Variants in CES3 observed in about 807,000 individuals in gnomAD.
CES3 encodes the protein carboxylesterase 3 (brain).
A neutral mutation model predicts 57.6 loss-of-function variants in CES3; 49 were observed. The observed-to-expected ratio is 0.85, with a 90% CI of 0.68 to 1.08. CES3 has a LOEUF of 1.08. Among genes scored for constraint, CES3 ranks in the 50% least tolerant of loss-of-function variants. The pLI, the probability that CES3 is intolerant of heterozygous loss-of-function variation, is 0.00. For missense variants in CES3, 645 were observed against 742.0 expected, an observed-to-expected ratio of 0.87 and a Z score of 1.52; for synonymous variants, 266 against 281.6, an observed-to-expected ratio of 0.94 and a Z score of 0.55.
Position 66,972,685 on chromosome 16 carries a change from G to C in CES3, c.1459G>C (p.Glu487Gln). 1.2e-6 allele frequency: 2 copies of C among 1,614,198 alleles called. No homozygotes were observed. Among genetic ancestry groups the C allele is most frequent in the Non-Finnish European group, 1.7e-6 (2 of 1,180,016 alleles). The change falls in exon 12 of 13, where the codon GAG (glutamate) becomes CAG (glutamine). Residue 487 changes from glutamate to glutamine, a missense_variant. Transcript: ENST00000303334. ...CTTTCCAGCCTTTCCAGAGGCCACA[G>C]AGGAGGAGAAGCAGCTAAGCCTCAC... is the stretch of plus-strand genomic sequence containing the variant. Reference protein sequence around the residue: ...SSRLAFPEATEEEKQLSLTMM... With the variant: ...SSRLAFPEATQEEKQLSLTMM...
rs1468468148 is a variant in CES3, at chr16:66,963,904, C to T, written c.529C>T (p.Gln177Ter). The T allele has an allele frequency of 6.2e-7, 1 of 1,613,910 alleles. No homozygotes were observed. The highest frequency in any genetic ancestry group is 8.5e-7 in the Non-Finnish European group (1 of 1,179,902). Residue 177 changes from glutamine to a stop codon, truncating the protein, a stop_gained, in exon 4 of 13, where the codon CAG becomes TAG. Transcript: ENST00000303334. LOFTEE classifies it high-confidence loss of function. The surrounding 1 kb of genome is among the most constrained non-coding windows in gnomAD (Gnocchi z 4.9). Reference protein sequence around the residue: ...AYGDVVVVTVQYRLGVLGFFS... With the variant: ...AYGDVVVVTV Reference sequence around the variant, plus strand: ...TGGGGATGTGGTCGTGGTTACAGTCCAGTACCGCCTTGGGGTCCTTGGCTT... The same window carrying T: ...TGGGGATGTGGTCGTGGTTACAGTCTAGTACCGCCTTGGGGTCCTTGGCTT...
Position 66,963,453 on chromosome 16 carries a change from G to A in CES3, c.288-38G>A. 1 of 1,609,288 alleles carries A rather than the reference G, an allele frequency of 6.2e-7. No homozygotes were observed. The highest frequency in any genetic ancestry group is 8.5e-7 in the Non-Finnish European group (1 of 1,176,180). ...GAATCCTGCTGCTGGGGCTTGTGGGGCTGAACAGCTGGACCTCAGGCCCAC... is the reference window on the plus strand; with the variant it reads ...GAATCCTGCTGCTGGGGCTTGTGGGACTGAACAGCTGGACCTCAGGCCCAC... On this transcript the variant is annotated intron_variant, in intron 2 of 12. Coordinates refer to ENST00000303334, the MANE Select transcript of CES3 (RefSeq NM_024922.6). The surrounding 1 kb of genome is among the most constrained non-coding windows in gnomAD (Gnocchi z 4.9).
Position 66,963,299 on chromosome 16 carries a change from C to T in CES3, c.203C>T (p.Pro68Leu), listed in dbSNP as rs371073429. 2.4e-5 allele frequency: 39 copies of T among 1,613,762 alleles called. No homozygotes were observed. Among genetic ancestry groups the T allele is most frequent in the African/African-American group, 1.7e-4 (13 of 74,918 alleles). Residue 68 changes from proline (P) to leucine (L), a missense_variant, in exon 2 of 13, where the codon CCG (proline) becomes CTG (leucine). Pro to Leu is a moderately conservative substitution (Grantham distance 98). Transcript: ENST00000303334. This position sits in a 1 kb window ranked among gnomAD's most constrained non-coding sequence, Gnocchi z 4.9. ...TTTCTGGGCATTCCATTTGCCCAGCCGCCACTGGGCCCTGACCGGTTCTCA... is the reference window on the plus strand; with the variant it reads ...TTTCTGGGCATTCCATTTGCCCAGCTGCCACTGGGCCCTGACCGGTTCTCA... ...NVFLGIPFAQ[P>L]PLGPDRFSAP...
At chr16:66,968,091 C>T (rs1168636859) in intron 8 of CES3, among the ~76,000 whole-genome samples, 4 of 152,104 alleles carry the variant, frequency 2.6e-5, no homozygotes, top group African/African-American at 9.7e-5. Context: ...AAATCTTCCA[C>T]AAATGGAGCG....
Position 66,969,796 on chromosome 16 carries a change from G to A in CES3, c.1143+37G>A, listed in dbSNP as rs368891745. 12 of 1,570,948 alleles carry A rather than the reference G, an allele frequency of 7.6e-6. No homozygotes were observed. The African/African-American group carries it at 1.6e-4, about 21-fold the overall frequency. ...GGCAGGAGGGAGGAAGCTAGGGCAG[G>A]AGGGAGGAAGCTAGTGGGTATCCCA... On this transcript the variant is annotated intron_variant, in intron 9 of 12. Coordinates refer to ENST00000303334, the MANE Select transcript of CES3 (RefSeq NM_024922.6).
intron 8 of CES3, among the ~76,000 whole-genome samples, 162 bp from the exon 9 acceptor site, chr16:66,969,517 C>T (rs555301889): frequency 1.3e-5 from 2 of 152,332 alleles, no homozygotes; most frequent in African/African-American, 2.4e-5. Flanking sequence ...CACCAATTTG[C>T]GGTTTATCTT....
At chr16:66,964,865 G>A in intron 6 of CES3, 138 bp downstream of exon 6, 1 of 636,604 alleles carries the variant, frequency 1.6e-6, no homozygotes, top group Non-Finnish European at 2.7e-6. Context: ...AGACGAAGGA[G>A]CATCAGAGGA....
chr16:66,963,262 C>A lies in CES3; in HGVS notation c.166C>A (p.Leu56Ile). Residue 56 changes from leucine (L) to isoleucine (I), a missense_variant, in exon 2 of 13, where the codon CTT becomes ATT. Leu to Ile is a conservative substitution (Grantham distance 5, BLOSUM62 2). Transcript: ENST00000303334. The surrounding 1 kb of genome is among the most constrained non-coding windows in gnomAD (Gnocchi z 4.9). ...RQVGVKGTDRLVNVFLGIPFA... is the reference protein window; with the variant it reads ...RQVGVKGTDRIVNVFLGIPFA... Reference sequence around the variant, plus strand: ...GGTGGGCGTGAAGGGCACAGACCGCCTTGTGAATGTCTTTCTGGGCATTCC... The same window carrying A: ...GGTGGGCGTGAAGGGCACAGACCGCATTGTGAATGTCTTTCTGGGCATTCC... 6.2e-7 allele frequency: 1 copy of A among 1,614,054 alleles called. No homozygotes were observed. The highest frequency in any genetic ancestry group is 8.5e-7 in the Non-Finnish European group (1 of 1,180,012).
intron 7 of CES3, 188 bp downstream of exon 7, chr16:66,966,533 T>C: frequency 1.2e-6 from 1 of 842,618 alleles, no homozygotes; most frequent in East Asian, 2.7e-5. Flanking sequence ...GCCTGTCTTC[T>C]AGGAAAGAAA....
chr16:66,973,010 C>A lies in CES3; in HGVS notation c.1677C>A (p.His559Gln), dbSNP rs1423771419. Reference sequence around the variant, plus strand: ...TCCCCAGCAAGATACAACAGTGGCACCAGAAGCAGAAGAACAGGAAGGCCC... The same window carrying A: ...TCCCCAGCAAGATACAACAGTGGCAACAGAAGCAGAAGAACAGGAAGGCCC... ...ETLPSKIQQW[H>Q]QKQKNRKAQE... The change falls in exon 13 of 13, where the codon CAC (histidine) becomes CAA (glutamine). Residue 559 changes from histidine to glutamine, a missense_variant. By Grantham distance (24) the His-to-Gln change is conservative (BLOSUM62 0). Transcript: ENST00000303334. 1 of 1,614,040 alleles carries A rather than the reference C, an allele frequency of 6.2e-7. No homozygotes were observed. The highest frequency in any genetic ancestry group is 2.2e-5 in the East Asian group (1 of 44,876).
intron 6 of CES3, among the ~76,000 whole-genome samples, chr16:66,965,509 C>T (rs1390649568): frequency 6.6e-6 from 1 of 152,164 alleles, no homozygotes; most frequent in Non-Finnish European, 1.5e-5. Context: ...GCAGTGTGGG[C>T]TGGGCATTTT....
In CES3 at chr16:66,963,479, C is replaced by T. The variant is rs1193548519; in HGVS notation, c.288-12C>T. Reference sequence around the variant, plus strand: ...CTGAACAGCTGGACCTCAGGCCCACCCTTGGCCACAGGTGCCTACAAGACG... The same window carrying T: ...CTGAACAGCTGGACCTCAGGCCCACTCTTGGCCACAGGTGCCTACAAGACG... On this transcript the variant is annotated splice_polypyrimidine_tract_variant and intron_variant, in intron 2 of 12. Transcript: ENST00000303334. The surrounding 1 kb of genome is among the most constrained non-coding windows in gnomAD (Gnocchi z 4.9). The T allele has an allele frequency of 6.2e-7, 1 of 1,610,272 alleles. No homozygotes were observed. The highest frequency in any genetic ancestry group is 1.7e-5 in the Admixed American group (1 of 59,922).
rs747550870 is a variant in CES3 at position 66,972,697 on chromosome 16, C to G, written c.1471C>G (p.Gln491Glu). The G allele has an allele frequency of 6.2e-7, 1 of 1,614,218 alleles. No homozygotes were observed. The highest frequency in any genetic ancestry group is 8.5e-7 in the Non-Finnish European group (1 of 1,180,032). The change falls in exon 12 of 13, where the codon CAG becomes GAG. Residue 491 changes from glutamine (Q) to glutamate (E), a missense_variant. Physicochemically the swap from Gln to Glu is conservative, Grantham distance 29. Transcript: ENST00000303334. ...TCCAGAGGCCACAGAGGAGGAGAAG[C>G]AGCTAAGCCTCACCATGATGGCCCA... ...AFPEATEEEK[Q>E]LSLTMMAQWT...
Position 66,963,645 on chromosome 16 carries a change from G to A in CES3, c.426+16G>A. ...CGGTAGGCCGGTAGGCACCCCAGAG[G>A]GCCCTGTCCACCTGATCCAGCTCCA... is the stretch of plus-strand genomic sequence containing the variant. On this transcript the variant is annotated intron_variant, in intron 3 of 12. Transcript: ENST00000303334. The surrounding 1 kb of genome is among the most constrained non-coding windows in gnomAD (Gnocchi z 4.9). The A allele has an allele frequency of 6.2e-7, 1 of 1,613,932 alleles. No individual in the cohort carries two copies. The highest frequency in any genetic ancestry group is 8.5e-7 in the Non-Finnish European group (1 of 1,180,014).
At position 66,973,758 on chromosome 16, in the gene CES3, C is replaced by T. The variant is rs1412729712; in HGVS notation, c.*709C>T. ...GGCCTCAGACTAGGGCGGGAGGGGT[C>T]TCCTCCTCTCTGCTGCCCAGTCCTG... is the stretch of plus-strand genomic sequence containing the variant. On this transcript the variant is annotated 3_prime_UTR_variant, in exon 13 of 13. Transcript: ENST00000303334. 1 of 152,598 alleles carries T rather than the reference C, an allele frequency of 6.6e-6. No homozygotes were observed. Among genetic ancestry groups the T allele is most frequent in the East Asian group, 1.9e-4 (1 of 5,184 alleles). 9.5% of individuals were successfully genotyped at this position (152,598 alleles called of 1,614,324 possible). A position where few individuals can be genotyped will look rare whatever the true frequency, so the allele number is the denominator to read the frequency against.
intron 1 of CES3, among the ~76,000 whole-genome samples, chr16:66,962,795 G>A (rs1963669023): frequency 6.6e-6 from 1 of 152,246 alleles, no homozygotes; most frequent in East Asian, 1.9e-4. Flanking sequence ...TACTTGGGAG[G>A]CTGAGGCCCT....
At chr16:66,969,400 T>C (rs1437561684) in intron 8 of CES3, among the ~76,000 whole-genome samples, 2 of 152,150 alleles carry the variant, frequency 1.3e-5, no homozygotes, top group African/African-American at 4.8e-5. Flanking sequence ...AGTGAGTCTC[T>C]GTCTCAAAAA....
rs1284194269 is a variant in CES3, at chr16:66,972,684, AGAG to A, written c.1465_1467del (p.Glu489del). On this transcript the variant is annotated inframe_deletion, in exon 12 of 13. Transcript: ENST00000303334. ...CCTTTCCAGCCTTTCCAGAGGCCAC[AGAG>A]GAGGAGAAGCAGCTAAGCCTCACCA... 8.7e-6 allele frequency: 14 copies of A among 1,614,056 alleles called. No homozygotes were observed. Among genetic ancestry groups the A allele is most frequent in the Non-Finnish European group, 1.1e-5 (13 of 1,180,034 alleles).
chr16:66,972,996 A>G lies in CES3; in HGVS notation c.1663A>G (p.Ile555Val), dbSNP rs8059252. ...QFWSETLPSK[I>V]QQWHQKQKNR... ...CTGGTCAGAGACGCTCCCCAGCAAG[A>G]TACAACAGTGGCACCAGAAGCAGAA... The change falls in exon 13 of 13, where the codon ATA becomes GTA. Residue 555 changes from isoleucine to valine, a missense_variant. Coordinates refer to ENST00000303334, the MANE Select transcript of CES3 (RefSeq NM_024922.6). 5.3e-4 allele frequency: 854 copies of G among 1,614,108 alleles called. 5 individuals are homozygous for G. The African/African-American group carries it at 9.4e-3, about 18-fold the overall frequency.
Sources: gnomAD v4.1 joint callset for allele counts (sites outside exome capture counted in the v4.1 genomes callset) on GRCh38, gnomAD v4.1.1 for gene constraint, Gnocchi (gnomAD v3.1) non-coding constraint, MANE v1.5 for transcripts, NCBI Gene and HGNC (gene_info 2026-07-23, HGNC 2026-07-21) for gene names.